CCDC68: variants seen among roughly 807,000 people sequenced by gnomAD.
CCDC68 encodes coiled-coil domain-containing protein 68.
CCDC68 carries 45 observed loss-of-function variants against 47.1 expected under a neutral mutation model. That is an observed-to-expected ratio of 0.96 (90% CI 0.75 to 1.23). CCDC68 has a LOEUF of 1.23. Among genes scored for constraint, CCDC68 ranks in the 50% most tolerant of loss-of-function variants. The pLI, the probability that CCDC68 is intolerant of heterozygous loss-of-function variation, is 0.00. For missense variants in CCDC68, 353 were observed against 373.6 expected (o/e 0.94, Z 0.45); for synonymous variants, 131 against 129.5 (o/e 1.01, Z -0.08).
intron 10 of CCDC68, among the ~76,000 whole-genome samples, chr18:54,911,382 G>T (rs925332915): frequency 6.6e-6 from 1 of 152,096 alleles, no homozygotes; most frequent in African/African-American, 2.4e-5. Context: ...CCACCTGATG[G>T]TTTGGATTAA....
intron 9 of CCDC68, 28 bp downstream of exon 9, chr18:54,919,243 C>T (rs1405324058): frequency 6.5e-7 from 1 of 1,543,570 alleles, no homozygotes. Flanking sequence ...ATACTGTCTA[C>T]CAGATAAATA....
At chr18:54,942,231 C>T (rs943273476) in intron 3 of CCDC68, among the ~76,000 whole-genome samples, 1 of 152,248 alleles carries the variant, frequency 6.6e-6, no homozygotes, top group African/African-American at 2.4e-5. Context: ...TGCCAACCCA[C>T]AGTCACTGGC....
chr18:54,953,988 C>A (rs796677295), intron 1 of CCDC68, among the ~76,000 whole-genome samples: 1 of 84,124 alleles, frequency 1.2e-5, no homozygotes, highest in African/African-American at 4.8e-5. Flanking sequence ...CTCCCCTCCC[C>A]TCCCCTCCCT....
intron 7 of CCDC68, among the ~76,000 whole-genome samples, chr18:54,932,101 T>G (rs540688881): frequency 1.2e-4 from 18 of 152,192 alleles, no homozygotes; most frequent in Non-Finnish European, 2.1e-4. Context: ...CAGTCTCTCT[T>G]TAAACCAAGA....
At chr18:54,955,837 C>A (rs995812226) in intron 1 of CCDC68, among the ~76,000 whole-genome samples, 1 of 152,088 alleles carries the variant, frequency 6.6e-6, no homozygotes, top group African/African-American at 2.4e-5. Flanking sequence ...CCTACCTCAG[C>A]CTCCCCAGGA....
rs1345732996 is a variant in CCDC68 at position 54,902,380 on chromosome 18, T to G, written c.*1978A>C. 3.9e-5 allele frequency: 6 copies of G among 152,178 alleles called. No individual in the cohort carries two copies. Among genetic ancestry groups the G allele is most frequent in the Non-Finnish European group, 8.8e-5 (6 of 68,030 alleles). 9.4% of individuals were successfully genotyped at this position (152,178 alleles called of 1,614,324 possible). On this transcript the variant is annotated 3_prime_UTR_variant, in exon 12 of 12. Coordinates refer to ENST00000591504, the MANE Select transcript of CCDC68 (RefSeq NM_025214.3). ...ATTTATTACAATCCAGCATGATGAA[T>G]GAGGTATAAAAGGAATCTGGTCTCC...
At chr18:54,953,325 G>T (rs962959332) in intron 1 of CCDC68, among the ~76,000 whole-genome samples, 8 of 151,920 alleles carry the variant, frequency 5.3e-5, no homozygotes, top group Non-Finnish European at 1.0e-4. Context: ...AGATGAATTT[G>T]TACATGTTAT....
chr18:54,942,668 C>T lies in CCDC68; in HGVS notation c.117+7G>A. The stretch of plus-strand genomic sequence containing the variant: ...TATCATACTAATGATTTCTGCTACC[C>T]ACATACCTTTTTCACATACTCGGTT... On this transcript the variant is annotated splice_region_variant and intron_variant, in intron 3 of 11. Transcript: ENST00000591504. 1 of 1,487,112 alleles carries T rather than the reference C, an allele frequency of 6.7e-7. No individual in the cohort carries two copies. Among genetic ancestry groups the T allele is most frequent in the Non-Finnish European group, 9.3e-7 (1 of 1,072,418 alleles). 92.1% of individuals were successfully genotyped at this position (1,487,112 alleles called of 1,614,324 possible). A position where few individuals can be genotyped will look rare whatever the true frequency, so the allele number is the denominator to read the frequency against.
intron 2 of CCDC68, among the ~76,000 whole-genome samples, chr18:54,943,121 T>C (rs2044465873): frequency 6.6e-6 from 1 of 152,176 alleles, no homozygotes; most frequent in Non-Finnish European, 1.5e-5. Context: ...AGGTTTATAT[T>C]CTAGTACATT....
At chr18:54,904,492 C>T in intron 11 of CCDC68, 77 bp from the exon 12 acceptor site, 1 of 1,103,558 alleles carries the variant, frequency 9.1e-7, no homozygotes, top group Non-Finnish European at 1.4e-6. Context: ...CCATACTCAA[C>T]TACCACAATA....
chr18:54,927,540 A>G (rs1225419605), intron 8 of CCDC68, among the ~76,000 whole-genome samples: 1 of 152,220 alleles, frequency 6.6e-6, no homozygotes, highest in Non-Finnish European at 1.5e-5. Flanking sequence ...TACCTGGAAA[A>G]GCTCTGCCTA....
intron 1 of CCDC68, among the ~76,000 whole-genome samples, chr18:54,950,460 T>C (rs1893803): frequency 0.99 from 150,108 of 152,272 alleles, 74,029 homozygotes; most frequent in East Asian, 1. Flanking sequence ...GTGCAGTTTA[T>C]CTGAAAACGA....
chr18:54,947,664 A>ATTTGTACATATTTGTC (rs2044549202), intron 1 of CCDC68, among the ~76,000 whole-genome samples: 2 of 152,230 alleles, frequency 1.3e-5, no homozygotes, highest in Non-Finnish European at 2.9e-5. Context: ...AATATATAAT[A>ATTTGTACATATTTGTC]AATGATTTGT....
chr18:54,955,682 T>C (rs1365401741), intron 1 of CCDC68, among the ~76,000 whole-genome samples: 1 of 152,142 alleles, frequency 6.6e-6, no homozygotes, highest in East Asian at 1.9e-4. Context: ...CAAAAGTCAA[T>C]GTTCTTGCAA....
chr18:54,915,537 A>G (rs76231569), intron 10 of CCDC68, among the ~76,000 whole-genome samples: 182 of 152,360 alleles, frequency 1.2e-3, no homozygotes, highest in African/African-American at 4.2e-3. Context: ...CTGATTTGGT[A>G]TCCAGGGATG....
At chr18:54,911,229 T>A (rs967215512) in intron 10 of CCDC68, among the ~76,000 whole-genome samples, 2 of 152,062 alleles carry the variant, frequency 1.3e-5, no homozygotes, top group African/African-American at 4.8e-5. Flanking sequence ...GTATTTTTTT[T>A]AGTAGAGACA....
chr18:54,910,008 T>A (rs9963577), intron 10 of CCDC68, among the ~76,000 whole-genome samples: 1 of 152,150 alleles, frequency 6.6e-6, no homozygotes, highest in African/African-American at 2.4e-5. Context: ...AGTTCTTGTC[T>A]GGCAACCAGG....
At chr18:54,906,962 T>TA (rs1311724467) in intron 11 of CCDC68, among the ~76,000 whole-genome samples, 2 of 152,222 alleles carry the variant, frequency 1.3e-5, no homozygotes, top group Admixed American at 1.3e-4. Context: ...AGACTGATGC[T>TA]AATCATAGTG....
chr18:54,942,901 A>C, intron 2 of CCDC68, 98 bp from the exon 3 acceptor site: 3 of 708,720 alleles, frequency 4.2e-6, no homozygotes, highest in Non-Finnish European at 7.5e-6. Context: ...CACTATAGTC[A>C]AATATAGCAG....
Sources: gnomAD v4.1 joint callset for allele counts (sites outside exome capture counted in the v4.1 genomes callset) on GRCh38, gnomAD v4.1.1 for gene constraint, MANE v1.5 for transcripts, NCBI Gene and HGNC (gene_info 2026-07-23, HGNC 2026-07-21) for gene names.